Variants in DDX46 observed in about 807,000 individuals in gnomAD.
DDX46 encodes the protein probable ATP-dependent RNA helicase DDX46.
Under a neutral mutation model 134.9 loss-of-function variants are expected in DDX46, and 30 were observed. The observed-to-expected ratio is 0.22, with a 90% CI of 0.17 to 0.30. DDX46 has a LOEUF of 0.30. Ranked by LOEUF, DDX46 falls within the 10% of genes least tolerant of loss-of-function variation. DDX46 has a pLI of 1.00. For synonymous variants in DDX46, 415 were observed against 404.1 expected (o/e 1.03, Z -0.32); for missense variants, 622 against 1,248.7 (o/e 0.50, Z 7.56).
intron 6 of DDX46, 39 bp from the exon 7 acceptor site, chr5:134,781,094 C>T: frequency 6.9e-7 from 1 of 1,456,546 alleles, no homozygotes; most frequent in Non-Finnish European, 9.2e-7. Flanking sequence ...ACTTGTGTTT[C>T]AGCTTTGCAA....
At position 134,786,218 on chromosome 5, in the gene DDX46, G is replaced by A. The variant is rs572881245; in HGVS notation, c.1464+632G>A. Among the ~76,000 whole-genome samples, 3 of 152,134 alleles carry A rather than the reference G, an allele frequency of 2.0e-5. No homozygotes were observed. The South Asian group carries it at 6.2e-4, about 32-fold the overall frequency. On this transcript the variant is annotated intron_variant, in intron 11 of 22. Coordinates refer to ENST00000452510, the MANE Select transcript of DDX46 (RefSeq NM_001300860.2). ...TGAGGTGATATGTTAGCTTGATTGTGTTCATCATTTCAGAGTGTATATGTA... is the reference window on the plus strand; with the variant it reads ...TGAGGTGATATGTTAGCTTGATTGTATTCATCATTTCAGAGTGTATATGTA...
intron 1 of DDX46, among the ~76,000 whole-genome samples, chr5:134,762,546 A>G (rs1313086580): frequency 6.6e-6 from 1 of 151,434 alleles, no homozygotes; most frequent in East Asian, 2.0e-4. Context: ...CAGCCTGACC[A>G]ATGTGGTGAA....
At chr5:134,778,638 A>G (rs1271250246) in intron 6 of DDX46, among the ~76,000 whole-genome samples, 3 of 152,028 alleles carry the variant, frequency 2.0e-5, no homozygotes, top group African/African-American at 4.8e-5. Context: ...CAGTGGCGCA[A>G]TCTTGGCTCA....
intron 3 of DDX46, 59 bp downstream of exon 3, chr5:134,767,119 C>T (rs568154667): frequency 1.3e-3 from 1,974 of 1,489,606 alleles, no homozygotes; most frequent in Admixed American, 2.0e-3. Flanking sequence ...CCCTTCTCTG[C>T]GCCTTTTTTT....
At chr5:134,809,221 ATTC>A (rs1755071423) in intron 16 of DDX46, among the ~76,000 whole-genome samples, 1 of 152,194 alleles carries the variant, frequency 6.6e-6, no homozygotes, top group Non-Finnish European at 1.5e-5. Context: ...TCTGTCACAT[ATTC>A]TTCTCTTTCT....
intron 1 of DDX46, among the ~76,000 whole-genome samples, chr5:134,761,159 G>A (rs1753372526): frequency 6.6e-6 from 1 of 152,168 alleles, no homozygotes; most frequent in Non-Finnish European, 1.5e-5. Flanking sequence ...CCGAATAGCT[G>A]GGACTGCAAG....
chr5:134,825,183 C>T (rs1042496148), intron 21 of DDX46, among the ~76,000 whole-genome samples: 3 of 152,094 alleles, frequency 2.0e-5, no homozygotes, highest in African/African-American at 7.2e-5. Context: ...TAAAGTTGCA[C>T]AAAAATATCA....
intron 2 of DDX46, among the ~76,000 whole-genome samples, chr5:134,764,581 C>T (rs1753500427): frequency 6.6e-6 from 1 of 152,118 alleles, no homozygotes; most frequent in Non-Finnish European, 1.5e-5. Flanking sequence ...CCGTGTCCGA[C>T]CATCAAACAG....
intron 15 of DDX46, among the ~76,000 whole-genome samples, chr5:134,802,087 C>T (rs1754843864): frequency 6.6e-6 from 1 of 150,760 alleles, no homozygotes; most frequent in South Asian, 2.1e-4. Flanking sequence ...TTGATATTGT[C>T]TCACTGATGC....
intron 13 of DDX46, among the ~76,000 whole-genome samples, chr5:134,791,118 C>T (rs1342351502): frequency 1.3e-5 from 2 of 152,246 alleles, no homozygotes; most frequent in Admixed American, 1.3e-4. Context: ...GTGCCCGGCC[C>T]ATTGTCTTTT....
intron 1 of DDX46, among the ~76,000 whole-genome samples, chr5:134,763,395 G>A (rs574502454): frequency 3.9e-5 from 6 of 152,164 alleles, no homozygotes; most frequent in African/African-American, 9.6e-5. Flanking sequence ...CTTATGGCAC[G>A]CTGTGTCACT....
chr5:134,793,214 TA>T (rs1754558335), intron 13 of DDX46, among the ~76,000 whole-genome samples: 1 of 152,010 alleles, frequency 6.6e-6, no homozygotes, highest in Admixed American at 6.6e-5. Flanking sequence ...CTTCATAGAT[TA>T]AAAAAACACT....
chr5:134,789,316 A>C (rs1754434742), intron 12 of DDX46: 1 of 152,230 alleles, frequency 6.6e-6, no homozygotes, highest in South Asian at 2.1e-4. Context: ...GGGGCTACAA[A>C]TGCTAGTGTG....
intron 1 of DDX46, among the ~76,000 whole-genome samples, chr5:134,760,269 C>T (rs891544065): frequency 2.0e-4 from 31 of 152,312 alleles, no homozygotes; most frequent in Admixed American, 2.0e-3. Context: ...TTCTCCTTTA[C>T]CTCTCTGGTG....
chr5:134,826,882 G>A (rs895830283), intron 21 of DDX46, 65 bp from the exon 22 acceptor site: 12 of 1,504,118 alleles, frequency 8.0e-6, no homozygotes, highest in African/African-American at 4.2e-5. Flanking sequence ...CTGGACCTCC[G>A]TGATATGGGT....
At chr5:134,790,415 G>A (rs1401227227) in intron 12 of DDX46, 55 bp from the exon 13 acceptor site, 2 of 1,515,492 alleles carry the variant, frequency 1.3e-6, no homozygotes, top group Non-Finnish European at 1.8e-6. Context: ...GCCATAAAAT[G>A]AATTGTGACT....
chr5:134,795,551 A>G (rs1754631726), intron 14 of DDX46, among the ~76,000 whole-genome samples: 1 of 152,140 alleles, frequency 6.6e-6, no homozygotes, highest in African/African-American at 2.4e-5. Flanking sequence ...TGAGTGGTGA[A>G]TGGTGAGCTG....
At chr5:134,806,800 A>C (rs1412311523) in intron 15 of DDX46, among the ~76,000 whole-genome samples, 3 of 152,166 alleles carry the variant, frequency 2.0e-5, no homozygotes, top group African/African-American at 7.2e-5. Flanking sequence ...CTCTATTACC[A>C]GAGTTTCCTG....
At chr5:134,767,407 T>C (rs1462417483) in intron 3 of DDX46, among the ~76,000 whole-genome samples, 1 of 152,004 alleles carries the variant, frequency 6.6e-6, no homozygotes, top group Non-Finnish European at 1.5e-5. Context: ...GGCAAGAACA[T>C]AGCTCACTAA....
Sources: gnomAD v4.1 joint callset for allele counts (sites outside exome capture counted in the v4.1 genomes callset) on GRCh38, gnomAD v4.1.1 for gene constraint, MANE v1.5 for transcripts, NCBI Gene and HGNC (gene_info 2026-07-23, HGNC 2026-07-21) for gene names.